Variants in SAMD13 observed in about 807,000 individuals in gnomAD.
SAMD13 encodes the protein sterile alpha motif domain-containing protein 13.
In SAMD13, 9 loss-of-function variants were observed where a neutral mutation model predicts 12.4. The ratio of observed to expected loss-of-function variants is 0.72; its 90% CI spans 0.44 to 1.26. The LOEUF is 1.26. Among genes scored for constraint, SAMD13 ranks in the 50% most tolerant of loss-of-function variants. SAMD13 has a pLI of 0.00. For missense variants in SAMD13, 84 were observed against 119.6 expected, an observed-to-expected ratio of 0.70 and a Z score of 1.39; for synonymous variants, 46 against 45.4, an observed-to-expected ratio of 1.01 and a Z score of -0.05.
At chr1:84,348,244 A>G (rs1679573920) in intron 3 of SAMD13, among the ~76,000 whole-genome samples, 1 of 152,220 alleles carries the variant, frequency 6.6e-6, no homozygotes, top group South Asian at 2.1e-4. Flanking sequence ...GCCTAAGGTC[A>G]CAAAGTGGGT....
chr1:84,330,026 T>C (rs1679141867), intron 3 of SAMD13, among the ~76,000 whole-genome samples: 1 of 152,172 alleles, frequency 6.6e-6, no homozygotes, highest in South Asian at 2.1e-4. Context: ...ACCACCTCTC[T>C]TTCCCACAGA....
chr1:84,316,732 T>G (rs535702963), intron 2 of SAMD13, among the ~76,000 whole-genome samples: 10 of 152,240 alleles, frequency 6.6e-5, no homozygotes, highest in Admixed American at 5.2e-4. Flanking sequence ...ATTAGAATTT[T>G]TTTTCTATTT....
chr1:84,344,953 C>T (rs1010493738), intron 3 of SAMD13: 4 of 456,600 alleles, frequency 8.8e-6, no homozygotes, highest in Non-Finnish European at 8.8e-6. Flanking sequence ...AGGAACTATG[C>T]ATTCTCAGGA....
intron 3 of SAMD13, among the ~76,000 whole-genome samples, chr1:84,333,546 TA>T (rs1679235370): frequency 6.6e-6 from 1 of 152,184 alleles, no homozygotes; most frequent in East Asian, 1.9e-4. Flanking sequence ...TTAGGAATGC[TA>T]CTGATTTTTG....
intron 2 of SAMD13, among the ~76,000 whole-genome samples, chr1:84,311,346 A>AAAAG (rs1393979730): frequency 5.3e-4 from 74 of 139,816 alleles, no homozygotes; most frequent in Non-Finnish European, 5.8e-4. Flanking sequence ...AAAAAAAAAA[A>AAAAG]AAAAGAAAAG....
rs750918022 is a variant in SAMD13, at chr1:84,325,757, G to T, written c.165+9G>T. 4 of 1,553,140 alleles carry T rather than the reference G, an allele frequency of 2.6e-6. No individual in the cohort carries two copies. Among genetic ancestry groups the T allele is most frequent in the African/African-American group, 2.7e-5 (2 of 73,652 alleles). On this transcript the variant is annotated intron_variant, in intron 3 of 3. Transcript: ENST00000394834. ...GTGCTTTTCAGGAACAGGTAACTTG[G>T]TCTAGAGAAACACGTGATGAACATG...
chr1:84,320,926 C>G (rs1332810724), intron 2 of SAMD13, among the ~76,000 whole-genome samples: 1 of 152,134 alleles, frequency 6.6e-6, no homozygotes, highest in Admixed American at 6.5e-5. Context: ...GAACAACTCT[C>G]AGCATCCATA....
At position 84,349,342 on chromosome 1, in the gene SAMD13, C is replaced by T. The variant is rs74724093; in HGVS notation, c.166-289C>T. Among the ~76,000 whole-genome samples, 1,258 of 152,222 alleles carry T rather than the reference C, an allele frequency of 8.3e-3. 10 individuals carry two copies. The highest frequency in any genetic ancestry group is 0.013 in the Non-Finnish European group (868 of 68,020). ...TCTTTTCAGAAGCAGCATCTTTGAT[C>T]CTTAAGGGTACATGCAGTAAGCTTG... On this transcript the variant is annotated intron_variant, in intron 3 of 3. Coordinates refer to ENST00000394834, the MANE Select transcript of SAMD13 (RefSeq NM_001134663.2).
At chr1:84,301,534 A>G (rs1319527808), upstream of SAMD13, 1 of 833,686 alleles carries the variant, frequency 1.2e-6, no homozygotes, top group African/African-American at 1.8e-5. Flanking sequence ...CATTTCTTGC[A>G]CTAATTGTGC....
chr1:84,308,073 A>G (rs1294275763), intron 2 of SAMD13, among the ~76,000 whole-genome samples: 3 of 152,188 alleles, frequency 2.0e-5, no homozygotes, highest in Non-Finnish European at 4.4e-5. Flanking sequence ...AGCCTTCTTC[A>G]GGCAGTGAGT....
chr1:84,311,056 C>T (rs1678697868), intron 2 of SAMD13, among the ~76,000 whole-genome samples: 2 of 152,006 alleles, frequency 1.3e-5, no homozygotes, highest in Non-Finnish European at 2.9e-5. Context: ...GAATATTTGG[C>T]CAGGCACAGT....
At chr1:84,331,328 TAAAAAAAAA>T (rs1178046260) in intron 3 of SAMD13, among the ~76,000 whole-genome samples, 4 of 15,174 alleles carry the variant, frequency 2.6e-4, no homozygotes, top group Non-Finnish European at 5.0e-4. Flanking sequence ...CCCTCCTTGG[TAAAAAAAAA>T]AAAAAAAAAA....
intron 2 of SAMD13, among the ~76,000 whole-genome samples, chr1:84,321,695 TG>T (rs755311964): frequency 3.5e-4 from 53 of 152,208 alleles, no homozygotes; most frequent in Non-Finnish European, 6.6e-4. Context: ...TATCAGTCCT[TG>T]GGGAGACATA....
chr1:84,302,782 C>A lies in SAMD13; in HGVS notation c.-32-421C>A, dbSNP rs115523746. 1,850 of 614,614 alleles carry A rather than the reference C, an allele frequency of 3.0e-3. 30 individuals carry two copies. In the African/African-American group the frequency reaches 0.036, roughly 12 times the overall value. The allele number at this position is 614,614 out of a possible 1,614,324, so 38.1% of individuals were successfully genotyped here. On this transcript the variant is annotated intron_variant, in intron 1 of 3. Coordinates refer to ENST00000394834, the MANE Select transcript of SAMD13 (RefSeq NM_001134663.2). ...CAAGGGGGAGTGGACAAAAAAAAAA[C>A]CAAACACAATAAGAAAAAACAAATC... is the stretch of plus-strand genomic sequence containing the variant.
At chr1:84,316,237 G>A (rs1205833784) in intron 2 of SAMD13, among the ~76,000 whole-genome samples, 1 of 125,840 alleles carries the variant, frequency 7.9e-6, no homozygotes, top group Admixed American at 8.6e-5. Flanking sequence ...AGCCCTGCTT[G>A]TTTATTTTTG....
At chr1:84,327,506 A>C (rs184327580) in intron 3 of SAMD13, among the ~76,000 whole-genome samples, 1 of 152,128 alleles carries the variant, frequency 6.6e-6, no homozygotes, top group African/African-American at 2.4e-5. Context: ...CTGTATCTTG[A>C]TACAGGCTTG....
chr1:84,333,568 T>A (rs1679235807), intron 3 of SAMD13, among the ~76,000 whole-genome samples: 1 of 152,172 alleles, frequency 6.6e-6, no homozygotes, highest in Non-Finnish European at 1.5e-5. Flanking sequence ...CACATTGATT[T>A]TGTATACTGA....
At chr1:84,299,127 C>T (rs182967717), upstream of SAMD13, among the ~76,000 whole-genome samples, 679 of 152,210 alleles carry the variant, frequency 4.5e-3, 8 homozygotes, top group Non-Finnish European at 4.9e-3. Context: ...GTGAGGTCGG[C>T]CCTGCCCTCG....
At chr1:84,300,078 C>T (rs1364712735), upstream of SAMD13, among the ~76,000 whole-genome samples, 6 of 152,144 alleles carry the variant, frequency 3.9e-5, no homozygotes, top group Non-Finnish European at 2.9e-5. Context: ...ACAGAACTCC[C>T]AGTCCAACTC....
Sources: allele counts gnomAD v4.1 joint callset (sites outside exome capture counted in the v4.1 genomes callset), GRCh38; gene constraint gnomAD v4.1.1; transcripts MANE v1.5; gene names NCBI Gene and HGNC (gene_info 2026-07-23, HGNC 2026-07-21).